The following PRKCB variants were observed in gnomAD, a reference collection of about 807,000 sequenced individuals.
The protein encoded by PRKCB is protein kinase C beta, also known as protein kinase C beta type.
A neutral mutation model predicts 81.5 loss-of-function variants in PRKCB; 13 were observed. The observed-to-expected ratio is 0.16, with a 90% CI of 0.10 to 0.25. The LOEUF is 0.25. Ranked by LOEUF, PRKCB falls within the 10% of genes least tolerant of loss-of-function variation. The pLI, the probability that PRKCB is intolerant of heterozygous loss-of-function variation, is 1.00. For synonymous variants in PRKCB, 335 were observed against 321.4 expected (o/e 1.04, Z -0.45); for missense variants, 509 against 875.7 (o/e 0.58, Z 5.29).
chr16:23,944,884 T>G (rs1306722754), intron 2 of PRKCB, among the ~76,000 whole-genome samples: 2 of 152,240 alleles, frequency 1.3e-5, no homozygotes, highest in East Asian at 1.9e-4. Flanking sequence ...TTGATTGGTC[T>G]TCATGCCTGC....
chr16:24,108,961 G>C (rs1306313902), intron 7 of PRKCB, among the ~76,000 whole-genome samples: 1 of 149,460 alleles, frequency 6.7e-6, no homozygotes, highest in Non-Finnish European at 1.5e-5. Flanking sequence ...TCCCGGATGG[G>C]GGGGCTGGCC....
At chr16:24,201,534 G>C (rs1967956906) in intron 16 of PRKCB, among the ~76,000 whole-genome samples, 1 of 152,104 alleles carries the variant, frequency 6.6e-6, no homozygotes, top group African/African-American at 2.4e-5. Context: ...AATCTTTTTG[G>C]AAGATTATTG....
intron 3 of PRKCB, among the ~76,000 whole-genome samples, chr16:24,026,372 A>G (rs989076870): frequency 6.6e-6 from 1 of 152,252 alleles, no homozygotes; most frequent in African/African-American, 2.4e-5. Context: ...GCTTCTTGGT[A>G]TCTCCTCTTG....
intron 7 of PRKCB, among the ~76,000 whole-genome samples, chr16:24,100,986 T>C (rs1966499615): frequency 6.6e-6 from 1 of 152,158 alleles, no homozygotes; most frequent in Admixed American, 6.5e-5. Flanking sequence ...AGTTTCGTTG[T>C]ATGGATTCCC....
chr16:23,936,426 T>C (rs1287466860), intron 2 of PRKCB, among the ~76,000 whole-genome samples: 5 of 152,050 alleles, frequency 3.3e-5, no homozygotes, highest in Admixed American at 6.6e-5. Context: ...AGAGTATATA[T>C]ATATTTGAGA....
intron 3 of PRKCB, among the ~76,000 whole-genome samples, chr16:23,989,319 A>G (rs1964846055): frequency 6.6e-6 from 1 of 152,104 alleles, no homozygotes; most frequent in Non-Finnish European, 1.5e-5. Flanking sequence ...TCCTGGGCTC[A>G]AGCAATCCTC....
intron 2 of PRKCB, among the ~76,000 whole-genome samples, chr16:23,942,636 A>C (rs1229161024): frequency 6.6e-6 from 1 of 152,262 alleles, no homozygotes; most frequent in Admixed American, 6.5e-5. Context: ...ACTGAGGATA[A>C]TTAAACCTTT....
intron 7 of PRKCB, among the ~76,000 whole-genome samples, chr16:24,108,748 ACTT>A (rs1966614358): frequency 6.6e-6 from 1 of 150,514 alleles, no homozygotes; most frequent in African/African-American, 2.5e-5. Context: ...TCCCATGTCT[ACTT>A]CTTTCTACAC....
intron 15 of PRKCB, among the ~76,000 whole-genome samples, chr16:24,187,654 TTTTTG>T (rs374822483): frequency 0.057 from 8,333 of 147,282 alleles, 403 homozygotes; most frequent in African/African-American, 0.13. Flanking sequence ...GCACAAGGTG[TTTTTG>T]TTTTGTTTTG....
intron 2 of PRKCB, among the ~76,000 whole-genome samples, chr16:23,958,463 C>G (rs1375404626): frequency 6.6e-6 from 1 of 151,952 alleles, no homozygotes; most frequent in Non-Finnish European, 1.5e-5. Context: ...CACCACCATG[C>G]CCGGCTAATT....
At chr16:24,073,675 C>T (rs977695149) in intron 5 of PRKCB, among the ~76,000 whole-genome samples, 1 of 152,166 alleles carries the variant, frequency 6.6e-6, no homozygotes, top group African/African-American at 2.4e-5. Flanking sequence ...ATATTCATCC[C>T]CTAGCCCCTA....
At chr16:23,973,103 A>T (rs1462414571) in intron 2 of PRKCB, among the ~76,000 whole-genome samples, 1 of 152,234 alleles carries the variant, frequency 6.6e-6, no homozygotes, top group African/African-American at 2.4e-5. Flanking sequence ...ATGGGGTCAT[A>T]CAGTGAGCAT....
chr16:23,892,517 T>C (rs1335244723), intron 2 of PRKCB, among the ~76,000 whole-genome samples: 1 of 152,242 alleles, frequency 6.6e-6, no homozygotes, highest in Non-Finnish European at 1.5e-5. Context: ...TACTTCATAT[T>C]AATACAAAAC....
chr16:24,002,502 G>A (rs1965051537), intron 3 of PRKCB, among the ~76,000 whole-genome samples: 1 of 152,006 alleles, frequency 6.6e-6, no homozygotes. Flanking sequence ...ACCACGCCTA[G>A]CTAATTTTTG....
intron 2 of PRKCB, among the ~76,000 whole-genome samples, chr16:23,929,067 A>G (rs1336517495): frequency 1.3e-5 from 2 of 151,892 alleles, no homozygotes; most frequent in East Asian, 1.9e-4. Flanking sequence ...GGAGTTTTGT[A>G]ATGGAGTTTT....
chr16:24,099,388 T>C (rs1966477306), intron 7 of PRKCB: 1 of 152,110 alleles, frequency 6.6e-6, no homozygotes, highest in South Asian at 2.1e-4. Flanking sequence ...CTGTAAAATA[T>C]TTTAAAGAAG....
At chr16:24,065,751 G>T (rs1273313311) in intron 5 of PRKCB, among the ~76,000 whole-genome samples, 2 of 152,166 alleles carry the variant, frequency 1.3e-5, no homozygotes, top group Non-Finnish European at 2.9e-5. Context: ...GCACATGCCT[G>T]TAGTCCCAGC....
At chr16:23,850,335 C>T (rs976561733) in intron 2 of PRKCB, among the ~76,000 whole-genome samples, 1 of 150,986 alleles carries the variant, frequency 6.6e-6, no homozygotes, top group African/African-American at 2.4e-5. Flanking sequence ...AATATATGCC[C>T]AGAAGTGGGA....
chr16:24,002,643 T>C (rs1965053898), intron 3 of PRKCB, among the ~76,000 whole-genome samples: 2 of 152,052 alleles, frequency 1.3e-5, no homozygotes, highest in East Asian at 1.9e-4. Context: ...CTGGCCAGCA[T>C]AGGTGTTTTT....
Sources: allele counts gnomAD v4.1 joint callset (sites outside exome capture counted in the v4.1 genomes callset), GRCh38; gene constraint gnomAD v4.1.1; transcripts MANE v1.5; gene names NCBI Gene and HGNC (gene_info 2026-07-23, HGNC 2026-07-21).